UMAD1: variants seen among roughly 807,000 people sequenced by gnomAD.
The protein encoded by UMAD1 is UBAP1-MVB12-associated (UMA)-domain containing protein 1.
UMAD1 carries 8 observed loss-of-function variants against 6.1 expected under a neutral mutation model. That is an observed-to-expected ratio of 1.30 (90% CI 0.76 to 2.35). The LOEUF (loss-of-function observed/expected upper bound fraction) is 2.35, where lower values mean the gene tolerates loss of function less well. Among genes scored for constraint, UMAD1 ranks in the 30% most tolerant of loss-of-function variants. The pLI is 0.00. For synonymous variants in UMAD1, 56 were observed against 31.4 expected (o/e 1.78, Z -2.61); for missense variants, 130 against 78.4 (o/e 1.66, Z -2.49).
At chr7:7,701,285 T>A (rs911479101) in intron 2 of UMAD1, among the ~76,000 whole-genome samples, 4 of 152,186 alleles carry the variant, frequency 2.6e-5, no homozygotes, top group Non-Finnish European at 5.9e-5. Context: ...AATTTGTGGC[T>A]GAGAAAGTTA....
intron 2 of UMAD1, among the ~76,000 whole-genome samples, chr7:7,704,525 G>T (rs1358446036): frequency 6.6e-6 from 1 of 150,788 alleles, no homozygotes; most frequent in Non-Finnish European, 1.5e-5. Context: ...GGAAGCCGAG[G>T]TGGGCGGATC....
intron 1 of UMAD1, among the ~76,000 whole-genome samples, chr7:7,661,192 G>A (rs1476949148): frequency 6.6e-6 from 1 of 152,114 alleles, no homozygotes; most frequent in Admixed American, 6.5e-5. Context: ...CTCTAAACTG[G>A]TAATTCTAGT....
intron 1 of UMAD1, among the ~76,000 whole-genome samples, chr7:7,648,395 A>G (rs1210445828): frequency 6.6e-6 from 1 of 151,926 alleles, no homozygotes; most frequent in Non-Finnish European, 1.5e-5. Flanking sequence ...TTGTATTCTT[A>G]TGTTCCAGGT....
intron 3 of UMAD1, among the ~76,000 whole-genome samples, chr7:7,827,562 G>A (rs1008233812): frequency 5.3e-5 from 8 of 151,884 alleles, no homozygotes; most frequent in East Asian, 3.9e-4. Context: ...TATCATATAC[G>A]TAAAGCTGAT....
In UMAD1 at chr7:7,790,435, A is replaced by G. The variant is rs1301678259; in HGVS notation, c.83-11235A>G. 2.0e-5 allele frequency among the ~76,000 whole-genome samples: 3 copies of G among 152,178 alleles called. No homozygotes were observed. In the East Asian group the frequency reaches 5.8e-4, roughly 29 times the overall value. Reference sequence around the variant, plus strand: ...CTGTCTGCGTATTGTAGCCCAACTAAAAGTCTCATAAATGTAGTAAAGGAG... The same window carrying G: ...CTGTCTGCGTATTGTAGCCCAACTAGAAGTCTCATAAATGTAGTAAAGGAG... On this transcript the variant is annotated intron_variant, in intron 2 of 3. Coordinates refer to ENST00000682710, the MANE Select transcript of UMAD1 (RefSeq NM_001302348.2).
At chr7:7,739,793 C>G (rs1212256483) in intron 2 of UMAD1, among the ~76,000 whole-genome samples, 2 of 152,126 alleles carry the variant, frequency 1.3e-5, no homozygotes, top group Non-Finnish European at 2.9e-5. Context: ...ATGACAGATT[C>G]ATGAAGAGTA....
chr7:7,871,029 A>C (rs1241623982), intron 3 of UMAD1, among the ~76,000 whole-genome samples: 3 of 152,210 alleles, frequency 2.0e-5, no homozygotes, highest in African/African-American at 7.2e-5. Context: ...TGTCTGTTTC[A>C]ATAATTATCA....
intron 2 of UMAD1, among the ~76,000 whole-genome samples, chr7:7,694,726 T>C (rs1780266635): frequency 6.6e-6 from 1 of 152,238 alleles, no homozygotes; most frequent in Non-Finnish European, 1.5e-5. Flanking sequence ...CTCATTCTTC[T>C]TTATGGCTGA....
chr7:7,642,438 TGTGA>T (rs1445522488), intron 1 of UMAD1, among the ~76,000 whole-genome samples: 4 of 150,142 alleles, frequency 2.7e-5, no homozygotes, highest in Non-Finnish European at 5.9e-5. Flanking sequence ...GAATTACAGG[TGTGA>T]GCCTTGGTGC....
At chr7:7,648,928 G>C (rs1259408609) in intron 1 of UMAD1, among the ~76,000 whole-genome samples, 1 of 152,068 alleles carries the variant, frequency 6.6e-6, no homozygotes, top group African/African-American at 2.4e-5. Flanking sequence ...GGAGGCCGAG[G>C]TGGGTGGATC....
intron 2 of UMAD1, among the ~76,000 whole-genome samples, chr7:7,799,112 G>A (rs1782746825): frequency 6.6e-6 from 1 of 151,768 alleles, no homozygotes; most frequent in Admixed American, 6.6e-5. Context: ...ACTTTTATAT[G>A]GATTAGAGAA....
intron 3 of UMAD1, among the ~76,000 whole-genome samples, chr7:7,865,171 G>T (rs1784202711): frequency 6.6e-6 from 1 of 152,192 alleles, no homozygotes; most frequent in Non-Finnish European, 1.5e-5. Flanking sequence ...GGAGGGGGTT[G>T]TGGGAATCCT....
At chr7:7,710,662 C>T (rs1321507535) in intron 2 of UMAD1, among the ~76,000 whole-genome samples, 2 of 152,162 alleles carry the variant, frequency 1.3e-5, no homozygotes, top group Non-Finnish European at 2.9e-5. Flanking sequence ...GCTGAATATG[C>T]AGTTACTATA....
intron 1 of UMAD1, among the ~76,000 whole-genome samples, chr7:7,666,499 T>G (rs940408490): frequency 2.6e-5 from 4 of 152,100 alleles, no homozygotes; most frequent in African/African-American, 9.7e-5. Flanking sequence ...TGAGCCCCTG[T>G]ACCTGACCGG....
rs539326961 is a variant in UMAD1, at chr7:7,754,627, C to G, written c.83-47043C>G. On this transcript the variant is annotated intron_variant, in intron 2 of 3. Coordinates refer to ENST00000682710, the MANE Select transcript of UMAD1 (RefSeq NM_001302348.2). ...TAGCTATGGAGAACTTGAAGTGTAA[C>G]AAATATACTGATTTTTAAATTTTCA... Among the ~76,000 whole-genome samples, 68 of 152,284 alleles carry G rather than the reference C, an allele frequency of 4.5e-4. No individual in the cohort carries two copies. In the South Asian group the frequency reaches 5.4e-3, roughly 12 times the overall value.
At chr7:7,662,418 T>C (rs1785497276) in intron 1 of UMAD1, among the ~76,000 whole-genome samples, 2 of 152,132 alleles carry the variant, frequency 1.3e-5, no homozygotes, top group African/African-American at 2.4e-5. Context: ...CCCAGTTTTG[T>C]GCTTAAAACC....
In UMAD1 at chr7:7,683,905, G is replaced by A. The variant is rs1779976282; in HGVS notation, c.82+10452G>A. Among the ~76,000 whole-genome samples the A allele has an allele frequency of 2.6e-5, 4 of 152,204 alleles. No individual in the cohort carries two copies. In the South Asian group the frequency reaches 8.3e-4, roughly 31 times the overall value. On this transcript the variant is annotated intron_variant, in intron 2 of 3. Transcript: ENST00000682710. ...CCCAAACAGCTGGGATTATAGGCGT[G>A]AGCCACTGCTTCCAGCCAAAATTCA...
In UMAD1 at chr7:7,830,834, C is replaced by T. The variant is rs1783450093; in HGVS notation, c.156+29091C>T. ...TAAGTGAAGTGAATGTAAATTGAAG[C>T]CTGTTTATATCTTCCCATCTTTTTA... On this transcript the variant is annotated intron_variant, in intron 3 of 3. Coordinates refer to ENST00000682710, the MANE Select transcript of UMAD1 (RefSeq NM_001302348.2). This position sits in a 1 kb window ranked among gnomAD's most constrained non-coding sequence, Gnocchi z 5.3. Among the ~76,000 whole-genome samples the T allele has an allele frequency of 6.6e-6, 1 of 152,032 alleles. No individual in the cohort carries two copies. Among genetic ancestry groups the T allele is most frequent in the Non-Finnish European group, 1.5e-5 (1 of 67,990 alleles).
At chr7:7,731,155 C>T (rs191101877) in intron 2 of UMAD1, among the ~76,000 whole-genome samples, 6 of 152,174 alleles carry the variant, frequency 3.9e-5, no homozygotes, top group South Asian at 2.1e-4. Context: ...CGTGCCACCA[C>T]GCCCAGCTAA....
Sources: allele counts gnomAD v4.1 joint callset (sites outside exome capture counted in the v4.1 genomes callset), GRCh38; gene constraint gnomAD v4.1.1; non-coding constraint Gnocchi (gnomAD v3.1); transcripts MANE v1.5; gene names NCBI Gene and HGNC (gene_info 2026-07-23, HGNC 2026-07-21).